TRAPPC12: variants seen among roughly 807,000 people sequenced by gnomAD.
TRAPPC12 encodes trafficking protein particle complex subunit 12, also known as TPR repeat protein 15.
TRAPPC12 carries 61 observed loss-of-function variants against 69.2 expected under a neutral mutation model. The observed-to-expected ratio is 0.88, with a 90% CI of 0.72 to 1.09. The LOEUF is 1.09. Ranked by LOEUF, TRAPPC12 falls within the 50% of genes least tolerant of loss-of-function variation. TRAPPC12 has a pLI of 0.00. For missense variants in TRAPPC12, 1,101 were observed against 1,016.4 expected, an observed-to-expected ratio of 1.08 and a Z score of -1.13; for synonymous variants, 469 against 438.9, an observed-to-expected ratio of 1.07 and a Z score of -0.86.
intron 9 of TRAPPC12, among the ~76,000 whole-genome samples, chr2:3,472,971 A>G (rs1666128870): frequency 6.6e-6 from 1 of 152,202 alleles, no homozygotes; most frequent in South Asian, 2.1e-4. Flanking sequence ...CCAGGGTGGT[A>G]GGATCTCCAG....
intron 3 of TRAPPC12, among the ~76,000 whole-genome samples, chr2:3,417,992 G>A (rs534661003): frequency 7.1e-6 from 1 of 141,136 alleles, no homozygotes; most frequent in South Asian, 2.3e-4. Context: ...GCAGCGAGTC[G>A]AGATCGTGCC....
At chr2:3,410,484 T>C (rs1011069086) in intron 3 of TRAPPC12, among the ~76,000 whole-genome samples, 1 of 152,244 alleles carries the variant, frequency 6.6e-6, no homozygotes, top group African/African-American at 2.4e-5. Flanking sequence ...TTATATGATA[T>C]GTTTTACTAT....
intron 2 of TRAPPC12, among the ~76,000 whole-genome samples, chr2:3,396,284 G>A (rs1661129036): frequency 6.6e-6 from 1 of 150,484 alleles, no homozygotes; most frequent in African/African-American, 2.4e-5. Flanking sequence ...CCATCCCACT[G>A]TCTTTTGACT....
chr2:3,466,621 C>T (rs1665824416), intron 9 of TRAPPC12, among the ~76,000 whole-genome samples: 1 of 152,200 alleles, frequency 6.6e-6, no homozygotes, highest in Non-Finnish European at 1.5e-5. Flanking sequence ...CACTGACACA[C>T]GTAGGCACAC....
chr2:3,398,953 G>A (rs1053156450), intron 2 of TRAPPC12, among the ~76,000 whole-genome samples: 76 of 152,262 alleles, frequency 5.0e-4, no homozygotes, highest in African/African-American at 1.8e-3. Context: ...AAAGCCCTGG[G>A]GGAAGTTCCC....
Position 3,387,976 on chromosome 2 carries a change from G to T in TRAPPC12, c.353G>T (p.Cys118Phe), listed in dbSNP as rs1354646195. ...CCCAGCGGCGAGGCCGACGGCGACTGTGCCCCCGAGGACGCGGCACCCAGT... is the reference window on the plus strand; with the variant it reads ...CCCAGCGGCGAGGCCGACGGCGACTTTGCCCCCGAGGACGCGGCACCCAGT... ...PSPSGEADGDCAPEDAAPSSG... is the reference protein window; with the variant it reads ...PSPSGEADGDFAPEDAAPSSG... Residue 118 changes from cysteine (C) to phenylalanine (F), a missense_variant, in exon 2 of 12, where the codon TGT becomes TTT. Physicochemically the swap from Cys to Phe is radical, Grantham distance 205 (BLOSUM62 -2). Transcript: ENST00000324266. 1 of 1,474,956 alleles carries T rather than the reference G, an allele frequency of 6.8e-7. No homozygotes were observed. Among genetic ancestry groups the T allele is most frequent in the Non-Finnish European group, 8.9e-7 (1 of 1,119,168 alleles). The allele number at this position is 1,474,956 out of a possible 1,614,324, so 91.4% of individuals were successfully genotyped here.
At chr2:3,421,823 A>C in intron 3 of TRAPPC12, 58 bp from the exon 4 acceptor site, 1 of 1,512,720 alleles carries the variant, frequency 6.6e-7, no homozygotes, top group Non-Finnish European at 9.2e-7. Context: ...CGTTTGGGTC[A>C]TGGATTCCAC....
At chr2:3,472,349 C>A (rs777971537) in intron 9 of TRAPPC12, 1 of 152,286 alleles carries the variant, frequency 6.6e-6, no homozygotes, top group East Asian at 1.9e-4. Flanking sequence ...GGTGGTTTTA[C>A]GCACACAGCC....
intron 3 of TRAPPC12, among the ~76,000 whole-genome samples, chr2:3,402,377 G>A (rs1282413493): frequency 6.6e-6 from 1 of 152,112 alleles, no homozygotes; most frequent in Non-Finnish European, 1.5e-5. Context: ...AGATCACAAG[G>A]TCAGGAGTTC....
intron 5 of TRAPPC12, among the ~76,000 whole-genome samples, chr2:3,441,839 T>C (rs536777747): frequency 5.9e-5 from 9 of 152,350 alleles, no homozygotes; most frequent in African/African-American, 1.9e-4. Context: ...AAAAGCTTCC[T>C]CTCAGCACTG....
intron 2 of TRAPPC12, chr2:3,389,076 A>C (rs1660673549): frequency 6.0e-6 from 1 of 166,854 alleles, no homozygotes; most frequent in Non-Finnish European, 1.3e-5. Context: ...AATAAGAAAA[A>C]TACGCGTGAC....
intron 5 of TRAPPC12, among the ~76,000 whole-genome samples, chr2:3,440,314 G>A (rs1031793814): frequency 6.6e-6 from 1 of 152,178 alleles, no homozygotes; most frequent in African/African-American, 2.4e-5. Flanking sequence ...TTGTCTTCCT[G>A]TCCATGAATG....
chr2:3,446,544 G>A (rs540531032), intron 6 of TRAPPC12, among the ~76,000 whole-genome samples: 2 of 152,330 alleles, frequency 1.3e-5, no homozygotes, highest in East Asian at 3.9e-4. Context: ...AAGCACCGTC[G>A]CCAACTTCCT....
In TRAPPC12 at chr2:3,388,292, C is replaced by A. The variant is rs1027072907; in HGVS notation, c.669C>A (p.Phe223Leu). 1.9e-6 allele frequency: 3 copies of A among 1,607,746 alleles called. No individual in the cohort carries two copies. The highest frequency in any genetic ancestry group is 2.7e-5 in the African/African-American group (2 of 73,956). ...CCAGCCACTCCTTGGCCTCGGACTT[C>A]TTCGACTCCTTTACTACCTCCGCCT... ...TAASHSLASD[F>L]FDSFTTSAFI... is the part of the protein sequence containing the mutation. Residue 223 changes from phenylalanine to leucine, a missense_variant, in exon 2 of 12, where the codon TTC (phenylalanine) becomes TTA (leucine). Transcript: ENST00000324266.
In TRAPPC12 at chr2:3,446,458, C is replaced by T. The variant is rs185545433; in HGVS notation, c.1530+2567C>T. Among the ~76,000 whole-genome samples, 105 of 152,312 alleles carry T rather than the reference C, an allele frequency of 6.9e-4. 1 individual carries two copies. Among genetic ancestry groups the T allele is most frequent in the Admixed American group, 6.7e-3 (103 of 15,302 alleles). The stretch of plus-strand genomic sequence containing the variant: ...TGCACTGTGGCACAGCTGGTGGATG[C>T]CTGGACCAAGAGGGAAAGACCCAGG... On this transcript the variant is annotated intron_variant, in intron 6 of 11. Coordinates refer to ENST00000324266, the MANE Select transcript of TRAPPC12 (RefSeq NM_016030.6).
chr2:3,383,649 C>T (rs1020479742), intron 1 of TRAPPC12, among the ~76,000 whole-genome samples: 3 of 151,966 alleles, frequency 2.0e-5, no homozygotes, highest in East Asian at 3.9e-4. Flanking sequence ...TCGTGATACG[C>T]CCGCCCCGGC....
At chr2:3,466,235 G>C (rs144465015) in intron 9 of TRAPPC12, 1 of 470,566 alleles carries the variant, frequency 2.1e-6, no homozygotes, top group East Asian at 7.0e-5. Context: ...CCACATCCCT[G>C]TCAATCCCAC....
At chr2:3,380,119 C>G (rs537811798) in intron 1 of TRAPPC12, among the ~76,000 whole-genome samples, 2 of 152,342 alleles carry the variant, frequency 1.3e-5, no homozygotes, top group African/African-American at 4.8e-5. Context: ...CTGGAAGCGT[C>G]TCTGCAGCCC....
chr2:3,380,261 C>A (rs1660146104), intron 1 of TRAPPC12, among the ~76,000 whole-genome samples: 1 of 152,052 alleles, frequency 6.6e-6, no homozygotes, highest in African/African-American at 2.4e-5. Flanking sequence ...CCCTTAACTT[C>A]CCTTAGACTT....
Sources: gnomAD v4.1 joint callset for allele counts (sites outside exome capture counted in the v4.1 genomes callset) on GRCh38, gnomAD v4.1.1 for gene constraint, MANE v1.5 for transcripts, NCBI Gene and HGNC (gene_info 2026-07-23, HGNC 2026-07-21) for gene names.